Variants in CUX2 observed in about 807,000 individuals in gnomAD.
The protein encoded by CUX2 is cut like homeobox 2.
In CUX2, 40 loss-of-function variants were observed where a neutral mutation model predicts 144.8. The observed-to-expected ratio is 0.28, with a 90% confidence interval of 0.21 to 0.36. CUX2 has a LOEUF of 0.36. CUX2 is among the 10% of genes least tolerant of loss of function. The pLI is 1.00. For synonymous variants in CUX2, 827 were observed against 875.6 expected (o/e 0.94, Z 0.98); for missense variants, 1,615 against 1,994.0 (o/e 0.81, Z 3.62).
chr12:111,240,308 G>T (rs1882960288), intron 3 of CUX2, among the ~76,000 whole-genome samples: 1 of 152,222 alleles, frequency 6.6e-6, no homozygotes. Context: ...ACCAAGGTGG[G>T]TGCTTCCCCC....
At chr12:111,206,848 G>A (rs996913629) in intron 1 of CUX2, among the ~76,000 whole-genome samples, 24 of 152,194 alleles carry the variant, frequency 1.6e-4, no homozygotes, top group Non-Finnish European at 2.9e-4. Flanking sequence ...TAGGTGGGTA[G>A]ACATATAATT....
chr12:111,286,054 G>A (rs1236969876), intron 4 of CUX2, among the ~76,000 whole-genome samples: 1 of 152,238 alleles, frequency 6.6e-6, no homozygotes, highest in Non-Finnish European at 1.5e-5. Flanking sequence ...GGGTCTCAGA[G>A]TAGAGTTAGC....
intron 1 of CUX2, among the ~76,000 whole-genome samples, chr12:111,079,546 C>T (rs1871749055): frequency 6.6e-6 from 1 of 152,104 alleles, no homozygotes; most frequent in African/African-American, 2.4e-5. Flanking sequence ...GCTTGTCTTC[C>T]TCGTTGCTGT....
intron 9 of CUX2, among the ~76,000 whole-genome samples, chr12:111,302,147 G>T (rs1006508606): frequency 2.0e-5 from 3 of 152,196 alleles, no homozygotes; most frequent in African/African-American, 7.2e-5. Flanking sequence ...ATGTGTATGG[G>T]TCTCAATATG....
intron 1 of CUX2, among the ~76,000 whole-genome samples, chr12:111,138,937 C>A (rs1480642697): frequency 2.6e-5 from 4 of 151,950 alleles, no homozygotes; most frequent in African/African-American, 9.7e-5. Context: ...CTCTCCTGCC[C>A]CCACCTGCTT....
intron 1 of CUX2, among the ~76,000 whole-genome samples, chr12:111,212,206 T>C (rs1178248014): frequency 1.3e-5 from 2 of 152,212 alleles, no homozygotes; most frequent in African/African-American, 4.8e-5. Context: ...TTAGAAACTG[T>C]GATTAGTTTT....
At chr12:111,074,962 G>T (rs1042165727) in intron 1 of CUX2, among the ~76,000 whole-genome samples, 3 of 152,106 alleles carry the variant, frequency 2.0e-5, no homozygotes, top group Non-Finnish European at 2.9e-5. Flanking sequence ...CCCTTGCTCT[G>T]CCCCTGCCTG....
intron 1 of CUX2, among the ~76,000 whole-genome samples, chr12:111,063,108 C>T (rs1337347146): frequency 6.6e-6 from 1 of 152,200 alleles, no homozygotes; most frequent in Non-Finnish European, 1.5e-5. Flanking sequence ...GTTGCCTCCA[C>T]CATCCTCTGG....
chr12:111,166,552 C>A (rs1045152811), intron 1 of CUX2, among the ~76,000 whole-genome samples: 1 of 152,246 alleles, frequency 6.6e-6, no homozygotes, highest in African/African-American at 2.4e-5. Context: ...GAGGTATGAA[C>A]CCCATGTTGT....
chr12:111,328,972 T>TCTCTCTCCCTCTCTCTCTCTCTCTCC (rs1198113973), intron 18 of CUX2, among the ~76,000 whole-genome samples: 1 of 80,026 alleles, frequency 1.2e-5, no homozygotes, highest in Non-Finnish European at 2.1e-5. Flanking sequence ...TCTCTCTCTC[T>TCTCTCTCCCTCTCTCTCTCTCTCTCC]CTCCCCCTCT....
At chr12:111,058,883 A>G (rs113306785) in intron 1 of CUX2, among the ~76,000 whole-genome samples, 6,019 of 152,266 alleles carry the variant, frequency 0.04, 411 homozygotes, top group African/African-American at 0.14. Flanking sequence ...TACAATACTC[A>G]TATATATGGG....
In CUX2 at chr12:111,295,220, G is replaced by A; in HGVS notation, c.561-113G>A. 1.3e-6 allele frequency: 1 copy of A among 783,174 alleles called. No individual in the cohort carries two copies. 48.5% of individuals were successfully genotyped at this position (783,174 alleles called of 1,614,324 possible). A position where few individuals can be genotyped will look rare whatever the true frequency, so the allele number is the denominator to read the frequency against. Reference sequence around the variant, plus strand: ...TCTAAGGACTTGCAGAAAGACAGAGGTGCAGGTTACAGGGAGTGGGCAAGG... The same window carrying A: ...TCTAAGGACTTGCAGAAAGACAGAGATGCAGGTTACAGGGAGTGGGCAAGG... On this transcript the variant is annotated intron_variant, in intron 6 of 21. Coordinates refer to ENST00000261726, the MANE Select transcript of CUX2 (RefSeq NM_015267.4). The surrounding 1 kb of genome is among the most constrained non-coding windows in gnomAD (Gnocchi z 5.0).
intron 1 of CUX2, among the ~76,000 whole-genome samples, chr12:111,208,973 T>TA (rs1881062433): frequency 1.3e-5 from 2 of 152,160 alleles, no homozygotes; most frequent in African/African-American, 2.4e-5. Flanking sequence ...TATTTAGGTT[T>TA]AAAAAAAGGG....
chr12:111,214,177 T>C (rs1188202243), intron 1 of CUX2, 23 bp from the exon 2 acceptor site: 26 of 1,301,938 alleles, frequency 2.0e-5, no homozygotes, highest in South Asian at 7.6e-5. Flanking sequence ...CTCTCTCTTT[T>C]TTTTTTTTTT....
intron 16 of CUX2, among the ~76,000 whole-genome samples, chr12:111,314,400 C>T (rs1887064347): frequency 1.3e-5 from 2 of 151,950 alleles, no homozygotes; most frequent in Non-Finnish European, 2.9e-5. Context: ...TCTGGGAGGC[C>T]GAGGCCAAGG....
intron 21 of CUX2, among the ~76,000 whole-genome samples, chr12:111,343,573 T>G (rs1888670094): frequency 6.6e-6 from 1 of 152,080 alleles, no homozygotes. Flanking sequence ...GAGGAGCAAC[T>G]CAGCATCTCC....
intron 3 of CUX2, among the ~76,000 whole-genome samples, chr12:111,218,264 A>G (rs1881660132): frequency 6.6e-6 from 1 of 152,130 alleles, no homozygotes; most frequent in African/African-American, 2.4e-5. Context: ...CTGTAATCCC[A>G]GTGCTTTGGG....
chr12:111,222,364 G>A (rs1881899217), intron 3 of CUX2, among the ~76,000 whole-genome samples: 1 of 152,204 alleles, frequency 6.6e-6, no homozygotes, highest in Non-Finnish European at 1.5e-5. Flanking sequence ...CTTTTCTGAA[G>A]CGCGTGTGCA....
chr12:111,206,471 G>A (rs1880923599), intron 1 of CUX2, among the ~76,000 whole-genome samples: 2 of 152,198 alleles, frequency 1.3e-5, no homozygotes, highest in African/African-American at 2.4e-5. Flanking sequence ...CCCAATCACA[G>A]TAAGTAACCT....
Sources: gnomAD v4.1 joint callset for allele counts (sites outside exome capture counted in the v4.1 genomes callset) on GRCh38, gnomAD v4.1.1 for gene constraint, Gnocchi (gnomAD v3.1) non-coding constraint, MANE v1.5 for transcripts, NCBI Gene and HGNC (gene_info 2026-07-23, HGNC 2026-07-21) for gene names.